SCN8A: variants seen among roughly 807,000 people sequenced by gnomAD.
SCN8A encodes sodium voltage-gated channel alpha subunit 8.
Under a neutral mutation model 184.1 loss-of-function variants are expected in SCN8A, and 30 were observed. The ratio of observed to expected loss-of-function variants is 0.16; its 90% CI spans 0.12 to 0.22. The LOEUF (loss-of-function observed/expected upper bound fraction) is 0.22. Among genes scored for constraint, SCN8A ranks in the 10% least tolerant of loss-of-function variants. The pLI, the probability that SCN8A is intolerant of heterozygous loss-of-function variation, is 1.00. For synonymous variants in SCN8A, 852 were observed against 907.0 expected (o/e 0.94, Z 1.09); for missense variants, 1,057 against 2,498.9 (o/e 0.42, Z 12.30).
At chr12:51,611,490 A>ATTTG (rs542062936) in intron 1 of SCN8A, among the ~76,000 whole-genome samples, 6 of 151,546 alleles carry the variant, frequency 4.0e-5, no homozygotes, top group Admixed American at 2.0e-4. Flanking sequence ...AGCTAATATA[A>ATTTG]TTTGTTTGTT....
chr12:51,611,303 AG>A (rs1391360015), intron 1 of SCN8A, among the ~76,000 whole-genome samples: 2 of 151,536 alleles, frequency 1.3e-5, no homozygotes, highest in African/African-American at 4.9e-5. Flanking sequence ...CTGGGACTAC[AG>A]GTGCCCGCCA....
In SCN8A at chr12:51,789,436, A is replaced by G. The variant is rs1240717764; in HGVS notation, c.4419+18A>G. 6.2e-7 allele frequency: 1 copy of G among 1,612,848 alleles called. No individual in the cohort carries two copies. Among genetic ancestry groups the G allele is most frequent in the Non-Finnish European group, 8.5e-7 (1 of 1,179,286 alleles). ...AGAAAAAGATAGGTCTCCTCCCCTC[A>G]TTGCCAGTGGTTGGAAGTCAGCCCA... On this transcript the variant is annotated intron_variant, in intron 24 of 26. Transcript: ENST00000627620.
At chr12:51,722,090 A>G in intron 12 of SCN8A, 182 bp downstream of exon 12, 1 of 879,188 alleles carries the variant, frequency 1.1e-6, no homozygotes, top group South Asian at 1.7e-5. Flanking sequence ...TTCCTGGCCT[A>G]TTTCTATTTC....
At chr12:51,747,863 T>TAAA (rs33937617) in intron 13 of SCN8A, among the ~76,000 whole-genome samples, 5 of 148,746 alleles carry the variant, frequency 3.4e-5, no homozygotes, top group South Asian at 2.1e-4. Flanking sequence ...TCACACACAT[T>TAAA]AAAAAAAAAA....
At chr12:51,631,529 C>T (rs894846881) in intron 1 of SCN8A, among the ~76,000 whole-genome samples, 2 of 152,194 alleles carry the variant, frequency 1.3e-5, no homozygotes, top group African/African-American at 4.8e-5. Context: ...AAGACCACTA[C>T]CTGAAGCAGC....
At chr12:51,711,740 A>G (rs1012236077) in intron 11 of SCN8A, among the ~76,000 whole-genome samples, 2 of 141,712 alleles carry the variant, frequency 1.4e-5, no homozygotes, top group African/African-American at 5.2e-5. Flanking sequence ...AAATTTTGAG[A>G]TTTTTTTCAT....
At position 51,746,002 on chromosome 12, in the gene SCN8A, A is replaced by T. The variant is rs187153231; in HGVS notation, c.2098A>T (p.Ile700Leu). The T allele has an allele frequency of 7.3e-4, 1,172 of 1,611,568 alleles. 12 individuals carry two copies. The Admixed American group carries it at 0.019, about 26-fold the overall frequency. The change falls in exon 13 of 27, where the codon ATA (isoleucine) becomes TTA (leucine). Residue 700 changes from isoleucine (I) to leucine (L), a missense_variant. Transcript: ENST00000627620. Reference protein sequence around the residue: ...SYGRKDRINSIMSVVTNTLVE... With the variant: ...SYGRKDRINSLMSVVTNTLVE... Reference sequence around the variant, plus strand: ...CGGGCGGAAGGACAGAATCAACAGTATAATGAGTGTTGTTACAAATACACT... The same window carrying T: ...CGGGCGGAAGGACAGAATCAACAGTTTAATGAGTGTTGTTACAAATACACT...
intron 12 of SCN8A, among the ~76,000 whole-genome samples, chr12:51,741,564 C>T (rs1942424030): frequency 6.6e-6 from 1 of 151,604 alleles, no homozygotes; most frequent in South Asian, 2.1e-4. Context: ...CTTGTCTTCC[C>T]CTTAGTGAAG....
intron 12 of SCN8A, among the ~76,000 whole-genome samples, chr12:51,737,322 G>A (rs1942343154): frequency 1.3e-5 from 2 of 152,176 alleles, no homozygotes; most frequent in South Asian, 4.1e-4. Flanking sequence ...GGTGAATGCT[G>A]AGTTGAAAAA....
intron 1 of SCN8A, among the ~76,000 whole-genome samples, chr12:51,661,018 C>G (rs1940914480): frequency 6.6e-6 from 1 of 152,108 alleles, no homozygotes; most frequent in Admixed American, 6.5e-5. Context: ...ACTTACTAAA[C>G]AAAACTATTC....
chr12:51,705,352 A>C, intron 9 of SCN8A, 65 bp from the exon 10 acceptor site: 1 of 1,501,344 alleles, frequency 6.7e-7, no homozygotes, highest in South Asian at 1.2e-5. Context: ...AACTTGGCCC[A>C]TTAGCTGTTT....
At chr12:51,713,546 G>A in intron 11 of SCN8A, 1 of 737,920 alleles carries the variant, frequency 1.4e-6, no homozygotes, top group Non-Finnish European at 2.5e-6. Flanking sequence ...TCTTCCTGCC[G>A]GTGGCAATGT....
intron 1 of SCN8A, among the ~76,000 whole-genome samples, chr12:51,621,093 A>T (rs2138596665): frequency 6.6e-6 from 1 of 152,292 alleles, no homozygotes; most frequent in Non-Finnish European, 1.5e-5. Context: ...TTTCTGGAAG[A>T]TGTTCAGGTA....
intron 12 of SCN8A, among the ~76,000 whole-genome samples, chr12:51,726,767 T>C (rs996334975): frequency 1.3e-5 from 2 of 152,186 alleles, no homozygotes; most frequent in African/African-American, 4.8e-5. Flanking sequence ...TTCTTACACA[T>C]TTTTGGCCCT....
At chr12:51,667,811 T>TA (rs1448659848) in intron 2 of SCN8A, among the ~76,000 whole-genome samples, 2 of 152,204 alleles carry the variant, frequency 1.3e-5, no homozygotes, top group Admixed American at 6.5e-5. Flanking sequence ...TATACCGTGT[T>TA]ACAATCATAT....
chr12:51,684,047 A>G, intron 2 of SCN8A, 127 bp from the exon 3 acceptor site: 1 of 691,934 alleles, frequency 1.4e-6, no homozygotes. Context: ...CTTGTTTAAA[A>G]ACCAAGTTGG....
intron 2 of SCN8A, among the ~76,000 whole-genome samples, chr12:51,675,563 G>C (rs1297309639): frequency 6.6e-6 from 1 of 152,174 alleles, no homozygotes; most frequent in Non-Finnish European, 1.5e-5. Flanking sequence ...AGTAAAAAGA[G>C]TTTAGAACTA....
In SCN8A at chr12:51,765,788, A is replaced by G. The variant is rs1392944361; in HGVS notation, c.2662A>G (p.Ile888Val). 6.2e-7 allele frequency: 1 copy of G among 1,613,998 alleles called. No individual in the cohort carries two copies. Among genetic ancestry groups the G allele is most frequent in the Admixed American group, 1.7e-5 (1 of 60,010 alleles). Residue 888 changes from isoleucine (I) to valine (V), a missense_variant, in exon 16 of 27, where the codon ATC becomes GTC. Ile to Val is a conservative substitution (Grantham distance 29). Coordinates refer to ENST00000627620, the MANE Select transcript of SCN8A (RefSeq NM_001330260.2). ...ACTGGTGCTGGCCATTATTGTCTTC[A>G]TCTTTGCCGTGGTGGGGATGCAACT... ...LTLVLAIIVF[I>V]FAVVGMQLFG... is the part of the protein sequence containing the mutation.
intron 3 of SCN8A, 124 bp downstream of exon 3, chr12:51,684,416 C>A: frequency 1.4e-6 from 1 of 689,986 alleles, no homozygotes; most frequent in Non-Finnish European, 2.7e-6. Context: ...ACTAGCCCAT[C>A]AGTCAGAGGT....
Sources: gnomAD v4.1 joint callset for allele counts (sites outside exome capture counted in the v4.1 genomes callset) on GRCh38, gnomAD v4.1.1 for gene constraint, MANE v1.5 for transcripts, NCBI Gene and HGNC (gene_info 2026-07-23, HGNC 2026-07-21) for gene names.